The following KIF26B variants were observed in gnomAD, a reference collection of about 807,000 sequenced individuals.
KIF26B encodes the protein kinesin-like protein KIF26B.
A neutral mutation model predicts 151.2 loss-of-function variants in KIF26B; 63 were observed. The ratio of observed to expected loss-of-function variants is 0.42; its 90% CI spans 0.34 to 0.51. The LOEUF is 0.51. Among genes scored for constraint, KIF26B ranks in the 20% least tolerant of loss-of-function variants. The pLI is 0.07. For missense variants in KIF26B, 2,813 were observed against 2,913.6 expected (o/e 0.97, Z 0.79); for synonymous variants, 1,357 against 1,262.1 (o/e 1.08, Z -1.59).
intron 2 of KIF26B, among the ~76,000 whole-genome samples, chr1:245,194,991 T>C (rs2103534735): frequency 6.6e-6 from 1 of 152,302 alleles, no homozygotes; most frequent in East Asian, 1.9e-4. Flanking sequence ...ATGGGGAAAA[T>C]TAAATAGTGG....
At chr1:245,213,569 G>T (rs903936404) in intron 2 of KIF26B, among the ~76,000 whole-genome samples, 1 of 152,214 alleles carries the variant, frequency 6.6e-6, no homozygotes, top group Admixed American at 6.5e-5. Context: ...GAAAAGAAGG[G>T]CGTGGGGCAG....
intron 2 of KIF26B, among the ~76,000 whole-genome samples, chr1:245,160,060 G>A: frequency 6.6e-6 from 1 of 152,194 alleles, no homozygotes; most frequent in East Asian, 1.9e-4. Flanking sequence ...AAAACACTTT[G>A]TTTTTGGCTA....
At chr1:245,642,187 T>G (rs2043899132) in intron 9 of KIF26B, among the ~76,000 whole-genome samples, 1 of 152,134 alleles carries the variant, frequency 6.6e-6, no homozygotes, top group Admixed American at 6.5e-5. Flanking sequence ...CAAGTCTACT[T>G]CCCAGCAGGT....
rs141308572 is a variant in KIF26B, at chr1:245,584,807, T to G, written c.1351-17770T>G. Among the ~76,000 whole-genome samples the G allele has an allele frequency of 1.3e-3, 196 of 152,336 alleles. 1 individual carries two copies. Among genetic ancestry groups the G allele is most frequent in the Middle Eastern group, 0.01 (3 of 294 alleles). ...TTTAAAAGAAAAATTCTTTAGCCTA[T>G]TGATCCTTCCTAAGGTAAACATTTA... On this transcript the variant is annotated intron_variant, in intron 5 of 14. Coordinates refer to ENST00000407071, the MANE Select transcript of KIF26B (RefSeq NM_018012.4).
intron 4 of KIF26B, among the ~76,000 whole-genome samples, chr1:245,421,464 T>C (rs1658485896): frequency 6.6e-6 from 1 of 152,090 alleles, no homozygotes; most frequent in African/African-American, 2.4e-5. Flanking sequence ...GAACTTGCAA[T>C]TCCGATGGCT....
Position 245,693,751 on chromosome 1 carries a change from C to G in KIF26B, c.5825-4355C>G, listed in dbSNP as rs527880354. Among the ~76,000 whole-genome samples the G allele has an allele frequency of 3.3e-5, 5 of 152,212 alleles. No homozygotes were observed. In the East Asian group the frequency reaches 9.7e-4, roughly 29 times the overall value. On this transcript the variant is annotated intron_variant, in intron 12 of 14. Transcript: ENST00000407071. Reference sequence around the variant, plus strand: ...AGGGCACCATGGTTTGCTCTGCCAACCTCTCCTATTCGTTTGGTTCTCAGG... The same window carrying G: ...AGGGCACCATGGTTTGCTCTGCCAAGCTCTCCTATTCGTTTGGTTCTCAGG...
chr1:245,420,444 G>A (rs999070619), intron 4 of KIF26B, among the ~76,000 whole-genome samples: 8 of 152,312 alleles, frequency 5.3e-5, no homozygotes, highest in Admixed American at 4.6e-4. Context: ...GACCAGGAAG[G>A]TTCAACTAGG....
Position 245,164,822 on chromosome 1 carries a change from C to T in KIF26B, c.465+8139C>T, listed in dbSNP as rs369263403. ...GCACGGTGGCTCACGCCTGTAATCCCAGAACTTTGGGAGGCCAAGACGGGT... is the reference window on the plus strand; with the variant it reads ...GCACGGTGGCTCACGCCTGTAATCCTAGAACTTTGGGAGGCCAAGACGGGT... On this transcript the variant is annotated intron_variant, in intron 2 of 14. Coordinates refer to ENST00000407071, the MANE Select transcript of KIF26B (RefSeq NM_018012.4). Among the ~76,000 whole-genome samples the T allele has an allele frequency of 1.1e-3, 173 of 152,218 alleles. 1 individual carries two copies. The highest frequency in any genetic ancestry group is 4.1e-3 in the African/African-American group (171 of 41,526).
At chr1:245,679,726 C>G (rs2044407589) in intron 10 of KIF26B, among the ~76,000 whole-genome samples, 1 of 152,162 alleles carries the variant, frequency 6.6e-6, no homozygotes, top group South Asian at 2.1e-4. Context: ...GCCTCAGCCT[C>G]TCAAAGTGTG....
rs370483644 is a variant in KIF26B, at chr1:245,196,845, G to A, written c.465+40162G>A. On this transcript the variant is annotated intron_variant, in intron 2 of 14. Transcript: ENST00000407071. Reference sequence around the variant, plus strand: ...TCCGAGCATACCCTGCTTTGACCACGGTCCTATTACCCCTATCCTCAGAGG... The same window carrying A: ...TCCGAGCATACCCTGCTTTGACCACAGTCCTATTACCCCTATCCTCAGAGG... 8.4e-4 allele frequency among the ~76,000 whole-genome samples: 127 copies of A among 151,944 alleles called. 2 individuals carry two copies. In the East Asian group the frequency reaches 0.015, roughly 18 times the overall value.
intron 3 of KIF26B, among the ~76,000 whole-genome samples, chr1:245,395,854 C>T (rs1301463706): frequency 6.6e-6 from 1 of 152,212 alleles, no homozygotes; most frequent in African/African-American, 2.4e-5. Flanking sequence ...CTGACATTTA[C>T]ATCCTTCCTT....
In KIF26B at chr1:245,540,524, T is replaced by G. The variant is rs950127060; in HGVS notation, c.1167-243T>G. The G allele has an allele frequency of 2.6e-4, 177 of 686,982 alleles. 1 individual carries two copies. The highest frequency in any genetic ancestry group is 1.3e-4 in the Non-Finnish European group (48 of 375,372). 42.6% of individuals were successfully genotyped at this position (686,982 alleles called of 1,614,324 possible). On this transcript the variant is annotated intron_variant, in intron 4 of 14. Transcript: ENST00000407071. The surrounding 1 kb of genome is among the most constrained non-coding windows in gnomAD (Gnocchi z 4.6). Reference sequence around the variant, plus strand: ...TGGATAACACATCATTCTTTGTAAATCGTGATTGCAGAATCCTGCTATTTT... The same window carrying G: ...TGGATAACACATCATTCTTTGTAAAGCGTGATTGCAGAATCCTGCTATTTT...
At position 245,294,520 on chromosome 1, in the gene KIF26B, A is replaced by T. The variant is rs188488455; in HGVS notation, c.466-72314A>T. On this transcript the variant is annotated intron_variant, in intron 2 of 14. Coordinates refer to ENST00000407071, the MANE Select transcript of KIF26B (RefSeq NM_018012.4). ...CAAGACTACCCTTGAACAATGTGAA[A>T]CTCAACCAGGTATGTAGCAGGCTTT... Among the ~76,000 whole-genome samples the T allele has an allele frequency of 2.0e-5, 3 of 152,166 alleles. No individual in the cohort carries two copies. The East Asian group carries it at 5.8e-4, about 29-fold the overall frequency.
intron 3 of KIF26B, among the ~76,000 whole-genome samples, chr1:245,402,121 T>C (rs1478667871): frequency 6.6e-6 from 1 of 152,166 alleles, no homozygotes; most frequent in Non-Finnish European, 1.5e-5. Context: ...AAGCCTGTTG[T>C]TGAGCAGCTG....
chr1:245,347,944 T>G (rs1672487242), intron 2 of KIF26B, among the ~76,000 whole-genome samples: 1 of 152,252 alleles, frequency 6.6e-6, no homozygotes, highest in South Asian at 2.1e-4. Context: ...TACCGTTATT[T>G]TCCCCATGTT....
At chr1:245,310,415 T>C (rs949409651) in intron 2 of KIF26B, among the ~76,000 whole-genome samples, 1 of 152,210 alleles carries the variant, frequency 6.6e-6, no homozygotes, top group South Asian at 2.1e-4. Context: ...TAATAACATT[T>C]ATGGCATACT....
At chr1:245,440,411 C>T (rs561177951) in intron 4 of KIF26B, among the ~76,000 whole-genome samples, 1 of 152,264 alleles carries the variant, frequency 6.6e-6, no homozygotes, top group East Asian at 1.9e-4. Context: ...AGTTTTGGAA[C>T]TATCTCTTAA....
intron 3 of KIF26B, among the ~76,000 whole-genome samples, chr1:245,415,141 A>G (rs1473487579): frequency 2.0e-5 from 3 of 152,208 alleles, no homozygotes; most frequent in African/African-American, 7.2e-5. Flanking sequence ...GCAAAGGGAT[A>G]GACACATCTG....
At chr1:245,663,503 C>T (rs900252525) in intron 10 of KIF26B, among the ~76,000 whole-genome samples, 2 of 151,820 alleles carry the variant, frequency 1.3e-5, no homozygotes, top group Non-Finnish European at 2.9e-5. Context: ...TCTGTGGTTT[C>T]TGCTGGCTCT....
Sources: gnomAD v4.1 joint callset for allele counts (sites outside exome capture counted in the v4.1 genomes callset) on GRCh38, gnomAD v4.1.1 for gene constraint, Gnocchi (gnomAD v3.1) non-coding constraint, MANE v1.5 for transcripts, NCBI Gene and HGNC (gene_info 2026-07-23, HGNC 2026-07-21) for gene names.